The following HMGCL variants were observed in gnomAD, a reference collection of about 807,000 sequenced individuals.
HMGCL encodes the protein hydroxymethylglutaryl-CoA lyase, mitochondrial.
In HMGCL, 26 loss-of-function variants were observed where a neutral mutation model predicts 37.3. That is an observed-to-expected ratio of 0.70 (90% CI 0.51 to 0.97). HMGCL has a LOEUF of 0.97. HMGCL is among the 50% of genes least tolerant of loss of function. The probability of loss-of-function intolerance (pLI) is 0.00; values close to 1 mark genes in which losing one functional copy is unlikely to be tolerated. For synonymous variants in HMGCL, 151 were observed against 148.0 expected, an observed-to-expected ratio of 1.02 and a Z score of -0.15; for missense variants, 379 against 398.1, an observed-to-expected ratio of 0.95 and a Z score of 0.41.
At chr1:23,821,762 G>A (rs750911028) in intron 1 of HMGCL, among the ~76,000 whole-genome samples, 13 of 151,866 alleles carry the variant, frequency 8.6e-5, no homozygotes, top group Admixed American at 7.2e-4. Context: ...ATCATCACTC[G>A]CCCCTACTGT....
Position 23,808,119 on chromosome 1 carries a change from A to G in HMGCL, c.750+16T>C. 1.2e-6 allele frequency: 2 copies of G among 1,611,578 alleles called. No individual in the cohort carries two copies. Among genetic ancestry groups the G allele is most frequent in the Non-Finnish European group, 8.5e-7 (1 of 1,177,762 alleles). On this transcript the variant is annotated intron_variant, in intron 7 of 8. Coordinates refer to ENST00000374490, the MANE Select transcript of HMGCL (RefSeq NM_000191.3). ...CACCGTGACCTTTGGGAGAATGGGC[A>G]TATGCTTTTGATTACCTGCAGGGCC...
rs1638286183 is a variant in HMGCL, at chr1:23,802,059, C to G, written c.*404G>C. The G allele has an allele frequency of 6.3e-6, 3 of 476,878 alleles. No individual in the cohort carries two copies. Among genetic ancestry groups the G allele is most frequent in the Non-Finnish European group, 1.1e-5 (3 of 271,270 alleles). The allele number at this position is 476,878 out of a possible 1,614,324, so 29.5% of individuals were successfully genotyped here. On this transcript the variant is annotated 3_prime_UTR_variant, in exon 9 of 9. Transcript: ENST00000374490. Reference sequence around the variant, plus strand: ...CTCCATGACCTGTGTCCTGAGAAGTCAGAGAGCAAGGGCCCCACGGCCATG... The same window carrying G: ...CTCCATGACCTGTGTCCTGAGAAGTGAGAGAGCAAGGGCCCCACGGCCATG...
At chr1:23,825,044 A>G (rs1295789232) in intron 1 of HMGCL, among the ~76,000 whole-genome samples, 2 of 152,214 alleles carry the variant, frequency 1.3e-5, no homozygotes, top group Non-Finnish European at 2.9e-5. Context: ...AGAGGTCTGA[A>G]GTTCAATTAG....
At position 23,802,707 on chromosome 1, in the gene HMGCL, T is replaced by C. The variant is rs137949110; in HGVS notation, c.877-143A>G. ...TTTTCCTTGACAGCGGGGCACCAGC[T>C]GCCTGTGAGCTCCTGTCTGTCTGGC... On this transcript the variant is annotated intron_variant, in intron 8 of 8. Transcript: ENST00000374490. 3.8e-5 allele frequency: 26 copies of C among 690,774 alleles called. No homozygotes were observed. In the East Asian group the frequency reaches 7.2e-4, roughly 19 times the overall value. 42.8% of individuals were successfully genotyped at this position (690,774 alleles called of 1,614,324 possible).
intron 1 of HMGCL, among the ~76,000 whole-genome samples, chr1:23,824,092 C>T (rs974377936): frequency 2.0e-5 from 3 of 152,200 alleles, no homozygotes; most frequent in African/African-American, 7.2e-5. Flanking sequence ...CTGTAAAGCT[C>T]TGCTCAGAGA....
intron 5 of HMGCL, among the ~76,000 whole-genome samples, chr1:23,812,885 G>A (rs1379362024): frequency 6.6e-6 from 1 of 151,794 alleles, no homozygotes; most frequent in Non-Finnish European, 1.5e-5. Flanking sequence ...CACTTTTGTG[G>A]GGTTTTTTTG....
intron 7 of HMGCL, 78 bp from the exon 8 acceptor site, chr1:23,804,603 A>G (rs917936406): frequency 4.0e-6 from 6 of 1,486,880 alleles, no homozygotes; most frequent in South Asian, 1.1e-5. Context: ...AAACCTCCCA[A>G]TCGTCTGTTG....
In HMGCL at chr1:23,825,412, C is replaced by T. The variant is rs1638801221; in HGVS notation, c.4G>A (p.Ala2Thr). MAAMRKALPRRL... is the reference protein window; with the variant it reads MTAMRKALPRRL... ...CGCGGAAGCGCCTTCCTCATTGCTG[C>T]CATCTTGGCCCAGAATCCCCCGCGG... The change falls in exon 1 of 9, where the codon GCA (alanine) becomes ACA (threonine). Residue 2 changes from alanine to threonine, a missense_variant. By Grantham distance (58) the Ala-to-Thr change is moderately conservative. Transcript: ENST00000374490. The T allele has an allele frequency of 2.6e-6, 4 of 1,556,792 alleles. No individual in the cohort carries two copies. The highest frequency in any genetic ancestry group is 1.7e-6 in the Non-Finnish European group (2 of 1,150,672).
In HMGCL at chr1:23,825,426, A is replaced by G. The variant is rs893448387; in HGVS notation, c.-11T>C. 1 of 1,553,442 alleles carries G rather than the reference A, an allele frequency of 6.4e-7. No individual in the cohort carries two copies. Among genetic ancestry groups the G allele is most frequent in the Non-Finnish European group, 8.7e-7 (1 of 1,148,700 alleles). ...CCTCATTGCTGCCATCTTGGCCCAG[A>G]ATCCCCCGCGGCAGTCCAGCTGGGC... On this transcript the variant is annotated 5_prime_UTR_variant, in exon 1 of 9. Coordinates refer to ENST00000374490, the MANE Select transcript of HMGCL (RefSeq NM_000191.3).
At chr1:23,823,499 C>T (rs2502980) in intron 1 of HMGCL, among the ~76,000 whole-genome samples, 90,267 of 151,144 alleles carry the variant, frequency 0.6, 26,939 homozygotes, top group South Asian at 0.71. Flanking sequence ...ACTACAGGTG[C>T]GCACCACCAC....
At position 23,802,459 on chromosome 1, in the gene HMGCL, G is replaced by T; in HGVS notation, c.*4C>A. On this transcript the variant is annotated 3_prime_UTR_variant, in exon 9 of 9. Transcript: ENST00000374490. ...ATCCCCAGGGCTTCAGGTGGGCAAG[G>T]GGCTCAGAGTTTACAGGTAGCCTGA... The T allele has an allele frequency of 6.3e-7, 1 of 1,586,696 alleles. No individual in the cohort carries two copies. The highest frequency in any genetic ancestry group is 8.7e-7 in the Non-Finnish European group (1 of 1,155,046).
In HMGCL at chr1:23,802,178, G is replaced by T; in HGVS notation, c.*285C>A. ...AGGATCATGCTAAGTAGGGAACGGGGTTCCCACACGTCCTCAGGCATTCAA... is the reference window on the plus strand; with the variant it reads ...AGGATCATGCTAAGTAGGGAACGGGTTTCCCACACGTCCTCAGGCATTCAA... On this transcript the variant is annotated 3_prime_UTR_variant, in exon 9 of 9. Transcript: ENST00000374490. 1 of 594,710 alleles carries T rather than the reference G, an allele frequency of 1.7e-6. No individual in the cohort carries two copies. The allele number at this position is 594,710 out of a possible 1,614,324, so 36.8% of individuals were successfully genotyped here. A position where few individuals can be genotyped will look rare whatever the true frequency, so the allele number is the denominator to read the frequency against.
rs560523003 is a variant in HMGCL at position 23,804,133 on chromosome 1, T to C, written c.876+267A>G. 696 of 511,848 alleles carry C rather than the reference T, an allele frequency of 1.4e-3. 10 individuals carry two copies. Among genetic ancestry groups the C allele is most frequent in the Middle Eastern group, 2.8e-3 (5 of 1,778 alleles). 31.7% of individuals were successfully genotyped at this position (511,848 alleles called of 1,614,324 possible). A position where few individuals can be genotyped will look rare whatever the true frequency, so the allele number is the denominator to read the frequency against. On this transcript the variant is annotated intron_variant, in intron 8 of 8. Coordinates refer to ENST00000374490, the MANE Select transcript of HMGCL (RefSeq NM_000191.3). ...CCTCTTTTGTTTTGTTTTGAAGAGA[T>C]AGGGTCTTGCTGTTTCACCCAGGCT...
chr1:23,807,203 G>A (rs1638427867), intron 7 of HMGCL: 1 of 519,054 alleles, frequency 1.9e-6, no homozygotes, highest in African/African-American at 1.9e-5. Flanking sequence ...CATAGGAGAG[G>A]AAGTCACTCT....
In HMGCL at chr1:23,814,416, G is replaced by C. The variant is rs561618770; in HGVS notation, c.349-78C>G. On this transcript the variant is annotated intron_variant, in intron 4 of 8. Coordinates refer to ENST00000374490, the MANE Select transcript of HMGCL (RefSeq NM_000191.3). The stretch of plus-strand genomic sequence containing the variant: ...GATGGAGTCTTGCTTTGTTGCCCAG[G>C]CTGGAGTGCAGTGGCATGATCTCGG... 9 of 1,539,538 alleles carry C rather than the reference G, an allele frequency of 5.8e-6. No homozygotes were observed. In the African/African-American group the frequency reaches 1.2e-4, roughly 21 times the overall value.
chr1:23,804,984 C>G (rs1279634371), intron 7 of HMGCL, among the ~76,000 whole-genome samples: 1 of 151,546 alleles, frequency 6.6e-6, no homozygotes, highest in Non-Finnish European at 1.5e-5. Context: ...CTCCCACTAT[C>G]CCAAATGACT....
chr1:23,807,025 C>G, intron 7 of HMGCL: 1 of 519,014 alleles, frequency 1.9e-6, no homozygotes, highest in South Asian at 1.4e-5. Flanking sequence ...AGACGTCACA[C>G]AGCTCAACCT....
chr1:23,825,411 G>T lies in HMGCL; in HGVS notation c.5C>A (p.Ala2Glu). 1 of 1,557,430 alleles carries T rather than the reference G, an allele frequency of 6.4e-7. No individual in the cohort carries two copies. The highest frequency in any genetic ancestry group is 2.4e-5 in the East Asian group (1 of 41,256). The change falls in exon 1 of 9, where the codon GCA becomes GAA. Residue 2 changes from alanine to glutamate, a missense_variant. Transcript: ENST00000374490. MAAMRKALPRRL... is the reference protein window; with the variant it reads MEAMRKALPRRL... ...CCGCGGAAGCGCCTTCCTCATTGCT[G>T]CCATCTTGGCCCAGAATCCCCCGCG...
intron 1 of HMGCL, 139 bp from the exon 2 acceptor site, chr1:23,820,732 G>A (rs750743173): frequency 8.4e-6 from 6 of 713,264 alleles, no homozygotes; most frequent in Non-Finnish European, 1.3e-5. Context: ...TTCACATTTG[G>A]TCTATTTTAG....
Sources: allele counts gnomAD v4.1 joint callset (sites outside exome capture counted in the v4.1 genomes callset), GRCh38; gene constraint gnomAD v4.1.1; transcripts MANE v1.5; gene names NCBI Gene and HGNC (gene_info 2026-07-23, HGNC 2026-07-21).